Variants in ZMIZ1 observed in about 807,000 individuals in gnomAD.
ZMIZ1 encodes zinc finger MIZ-type containing 1, also known as zinc finger MIZ domain-containing protein 1.
ZMIZ1 carries 17 observed loss-of-function variants against 113.9 expected under a neutral mutation model. The observed-to-expected ratio is 0.15, with a 90% CI of 0.10 to 0.22. The LOEUF (loss-of-function observed/expected upper bound fraction) is 0.22. ZMIZ1 is among the 10% of genes least tolerant of loss of function. The pLI is 1.00. For missense variants in ZMIZ1, 1,059 were observed against 1,477.8 expected, an observed-to-expected ratio of 0.72 and a Z score of 4.65; for synonymous variants, 607 against 603.1, an observed-to-expected ratio of 1.01 and a Z score of -0.09.
chr10:79,179,948 G>A (rs1847044570), intron 4 of ZMIZ1, among the ~76,000 whole-genome samples: 1 of 152,234 alleles, frequency 6.6e-6, no homozygotes, highest in South Asian at 2.1e-4. Flanking sequence ...TGTCAGATCA[G>A]CATCCTGGGG....
intron 18 of ZMIZ1, among the ~76,000 whole-genome samples, chr10:79,303,645 A>G (rs1156846449): frequency 6.6e-6 from 1 of 152,236 alleles, no homozygotes; most frequent in East Asian, 1.9e-4. Flanking sequence ...AGTGAAGTGC[A>G]GGAGTGCCTG....
At chr10:79,132,675 A>G (rs1045396817) in intron 2 of ZMIZ1, among the ~76,000 whole-genome samples, 12 of 152,350 alleles carry the variant, frequency 7.9e-5, no homozygotes, top group East Asian at 1.9e-4. Context: ...GTCACAGCAC[A>G]AAGCAGTGGT....
chr10:79,291,263 C>T, intron 10 of ZMIZ1, 87 bp downstream of exon 10: 1 of 1,401,896 alleles, frequency 7.1e-7, no homozygotes, highest in South Asian at 1.4e-5. Context: ...AATCCCAGCT[C>T]CACGCTTTCT....
chr10:79,154,598 A>G (rs1589347578), intron 3 of ZMIZ1, among the ~76,000 whole-genome samples: 1 of 152,224 alleles, frequency 6.6e-6, no homozygotes, highest in African/African-American at 2.4e-5. Context: ...GGTCCCTGGA[A>G]AAGGGATGGC....
chr10:79,136,366 G>A (rs1005674657), intron 2 of ZMIZ1, among the ~76,000 whole-genome samples: 8 of 152,254 alleles, frequency 5.3e-5, no homozygotes, highest in African/African-American at 1.9e-4. Context: ...TCTGTGGCAA[G>A]GACCCCAGCC....
chr10:79,078,280 G>T (rs1346845231), intron 1 of ZMIZ1, among the ~76,000 whole-genome samples: 2 of 152,096 alleles, frequency 1.3e-5, no homozygotes, highest in Non-Finnish European at 2.9e-5. Flanking sequence ...CTTGTCAGTT[G>T]TACCCTATTA....
chr10:79,090,604 G>A (rs890834555), intron 1 of ZMIZ1, among the ~76,000 whole-genome samples: 27 of 152,162 alleles, frequency 1.8e-4, no homozygotes, highest in African/African-American at 6.3e-4. Context: ...GAACAATGAA[G>A]CCATGTGCTG....
At chr10:79,230,317 C>T (rs966521868) in intron 7 of ZMIZ1, among the ~76,000 whole-genome samples, 42 of 152,180 alleles carry the variant, frequency 2.8e-4, no homozygotes, top group Non-Finnish European at 4.4e-4. Flanking sequence ...TCATCTGCAG[C>T]GTCTGCTCTA....
intron 7 of ZMIZ1, among the ~76,000 whole-genome samples, chr10:79,233,926 C>T (rs1326540970): frequency 6.6e-6 from 1 of 152,134 alleles, no homozygotes; most frequent in African/African-American, 2.4e-5. Flanking sequence ...TGAAGTTGGG[C>T]AAACCAGAGT....
At chr10:79,181,371 T>A (rs1009916593) in intron 4 of ZMIZ1, among the ~76,000 whole-genome samples, 6 of 152,220 alleles carry the variant, frequency 3.9e-5, no homozygotes, top group Non-Finnish European at 8.8e-5. Context: ...AGTTGTGGTG[T>A]CACTGGTGCC....
chr10:79,177,349 C>T (rs531200023), intron 4 of ZMIZ1, among the ~76,000 whole-genome samples: 19 of 152,342 alleles, frequency 1.2e-4, no homozygotes, highest in Non-Finnish European at 2.2e-4. Context: ...GCTCCTCGGC[C>T]CTGTCTTTGG....
chr10:79,200,680 AT>A (rs1848037162), intron 4 of ZMIZ1, among the ~76,000 whole-genome samples: 1 of 152,096 alleles, frequency 6.6e-6, no homozygotes, highest in Admixed American at 6.5e-5. Context: ...CAGTTTCTTT[AT>A]CTAGAAAATG....
chr10:79,163,398 C>A (rs1589362229), intron 4 of ZMIZ1, among the ~76,000 whole-genome samples: 1 of 152,376 alleles, frequency 6.6e-6, no homozygotes, highest in Non-Finnish European at 1.5e-5. Context: ...GCTTTCTCAT[C>A]TGAAAATGAG....
chr10:79,305,041 C>T (rs1854585956), intron 19 of ZMIZ1, 123 bp from the exon 20 acceptor site: 2 of 1,081,700 alleles, frequency 1.8e-6, no homozygotes, highest in Non-Finnish European at 2.8e-6. Flanking sequence ...CAGCCCCAGC[C>T]CGGGGTTTCT....
At chr10:79,100,016 G>T (rs1339408132) in intron 1 of ZMIZ1, among the ~76,000 whole-genome samples, 1 of 152,090 alleles carries the variant, frequency 6.6e-6, no homozygotes, top group Non-Finnish European at 1.5e-5. Context: ...CTGACCTGGG[G>T]TGTAATGGAC....
In ZMIZ1 at chr10:79,285,144, T is replaced by A. The variant is rs551398954; in HGVS notation, c.426-4631T>A. 4.6e-5 allele frequency among the ~76,000 whole-genome samples: 7 copies of A among 152,336 alleles called. No homozygotes were observed. The South Asian group carries it at 1.2e-3, about 27-fold the overall frequency. ...GTTCCTAAGACAGTGGTGAGCCTGA[T>A]ACGGTCTGGTGACCCGGCAGCCTTG... On this transcript the variant is annotated intron_variant, in intron 8 of 24. Transcript: ENST00000334512.
intron 2 of ZMIZ1, among the ~76,000 whole-genome samples, chr10:79,134,790 A>T (rs553169610): frequency 4.0e-5 from 6 of 149,420 alleles, no homozygotes; most frequent in Non-Finnish European, 7.4e-5. Context: ...GAGGCTAAGT[A>T]AAAAAAAAAG....
chr10:79,139,517 C>T (rs948731400), intron 2 of ZMIZ1, among the ~76,000 whole-genome samples, 165 bp from the exon 3 acceptor site: 2 of 152,086 alleles, frequency 1.3e-5, no homozygotes, highest in Non-Finnish European at 2.9e-5. Context: ...TGTGGCTGGG[C>T]GGGGAAGACA....
At chr10:79,207,194 G>T (rs529053418) in intron 5 of ZMIZ1, among the ~76,000 whole-genome samples, 1 of 152,324 alleles carries the variant, frequency 6.6e-6, no homozygotes, top group East Asian at 1.9e-4. Flanking sequence ...CAGGTCGAAT[G>T]GAGGGACTGC....
Sources: gnomAD v4.1 joint callset for allele counts (sites outside exome capture counted in the v4.1 genomes callset) on GRCh38, gnomAD v4.1.1 for gene constraint, MANE v1.5 for transcripts, NCBI Gene and HGNC (gene_info 2026-07-23, HGNC 2026-07-21) for gene names.